CSMD3: variants seen among roughly 807,000 people sequenced by gnomAD.
The protein encoded by CSMD3 is CUB and sushi domain-containing protein 3.
A neutral mutation model predicts 435.2 loss-of-function variants in CSMD3; 177 were observed. The observed-to-expected ratio is 0.41, with a 90% confidence interval of 0.36 to 0.46. CSMD3 has a LOEUF of 0.46. Among genes scored for constraint, CSMD3 ranks in the 20% least tolerant of loss-of-function variants. The pLI is 0.34. For synonymous variants in CSMD3, 1,656 were observed against 1,520.5 expected (o/e 1.09, Z -2.07); for missense variants, 4,265 against 4,504.6 (o/e 0.95, Z 1.52).
At chr8:112,827,836 G>A (rs1405635006) in intron 12 of CSMD3, among the ~76,000 whole-genome samples, 1 of 152,182 alleles carries the variant, frequency 6.6e-6, no homozygotes, top group Non-Finnish European at 1.5e-5. Context: ...GGGCCACAAA[G>A]AGGCCCTCTC....
intron 3 of CSMD3, among the ~76,000 whole-genome samples, chr8:113,207,840 TAAAAG>T (rs2092788937): frequency 6.6e-6 from 1 of 152,042 alleles, no homozygotes; most frequent in South Asian, 2.1e-4. Context: ...TGGAAGTAAT[TAAAAG>T]ATAATATAAC....
intron 13 of CSMD3, among the ~76,000 whole-genome samples, chr8:112,746,489 G>T (rs1398670489): frequency 6.6e-6 from 1 of 152,066 alleles, no homozygotes; most frequent in African/African-American, 2.4e-5. Context: ...TGCTCTTCCA[G>T]CCTGTCTACA....
rs148150513 is a variant in CSMD3, at chr8:113,272,789, C to T, written c.514+5803G>A. Among the ~76,000 whole-genome samples the T allele has an allele frequency of 9.7e-3, 1,479 of 152,094 alleles. 9 individuals are homozygous for T. The highest frequency in any genetic ancestry group is 0.016 in the Admixed American group (248 of 15,268). ...CCACAAATCTGGAACTATTTTCATT[C>T]TACTTATATATTGTAAAACATATTG... On this transcript the variant is annotated intron_variant, in intron 3 of 70. Coordinates refer to ENST00000297405, the MANE Select transcript of CSMD3 (RefSeq NM_198123.2).
chr8:113,234,857 A>G (rs1208730005), intron 3 of CSMD3, among the ~76,000 whole-genome samples: 1 of 152,092 alleles, frequency 6.6e-6, no homozygotes, highest in African/African-American at 2.4e-5. Context: ...CTGTCAGCTT[A>G]AAGAAACTGG....
intron 17 of CSMD3, among the ~76,000 whole-genome samples, chr8:112,660,008 G>T (rs1455907429): frequency 6.6e-6 from 1 of 151,942 alleles, no homozygotes; most frequent in Non-Finnish European, 1.5e-5. Context: ...TACAAATTTT[G>T]TTTTCAACAA....
chr8:113,053,450 T>C (rs1326572861), intron 5 of CSMD3, among the ~76,000 whole-genome samples: 1 of 152,092 alleles, frequency 6.6e-6, no homozygotes, highest in Non-Finnish European at 1.5e-5. Flanking sequence ...CATATATAAA[T>C]AATTATATGT....
chr8:112,252,179 C>A (rs547706622), intron 63 of CSMD3, among the ~76,000 whole-genome samples: 2 of 151,760 alleles, frequency 1.3e-5, no homozygotes, highest in African/African-American at 4.8e-5. Context: ...TGTGATTTTG[C>A]GTCATAACTC....
chr8:113,138,810 A>AGTGTTT (rs2091478401), intron 4 of CSMD3, among the ~76,000 whole-genome samples: 1 of 145,630 alleles, frequency 6.9e-6, no homozygotes, highest in African/African-American at 2.5e-5. Context: ...TAAACGTGTT[A>AGTGTTT]GTGTGTGTGT....
intron 30 of CSMD3, among the ~76,000 whole-genome samples, chr8:112,494,609 C>A (rs796367731): frequency 2.7e-5 from 4 of 150,104 alleles, no homozygotes; most frequent in African/African-American, 9.8e-5. Context: ...TAAAGGCTCA[C>A]TACCCTGCTA....
Position 113,049,225 on chromosome 8 carries a change from C to T in CSMD3, c.918-30046G>A, listed in dbSNP as rs114398863. The stretch of plus-strand genomic sequence containing the variant: ...CTGCACTCCAGCCTAGGTGACAGAG[C>T]GAAAATCTGTCTCAAAAAGAGAGAG... On this transcript the variant is annotated intron_variant, in intron 5 of 70. Transcript: ENST00000297405. Among the ~76,000 whole-genome samples the T allele has an allele frequency of 5.3e-5, 8 of 152,114 alleles. No individual in the cohort carries two copies. In the East Asian group the frequency reaches 7.7e-4, roughly 15 times the overall value.
At chr8:113,064,639 G>T (rs184846357) in intron 5 of CSMD3, among the ~76,000 whole-genome samples, 1 of 152,282 alleles carries the variant, frequency 6.6e-6, no homozygotes, top group East Asian at 1.9e-4. Context: ...CCACCCAGTG[G>T]TGAGCTATAG....
chr8:112,966,965 T>G (rs2084441460), intron 7 of CSMD3, among the ~76,000 whole-genome samples: 1 of 151,932 alleles, frequency 6.6e-6, no homozygotes, highest in African/African-American at 2.4e-5. Context: ...GTGTTGGGAC[T>G]GTGTGATAAA....
chr8:113,224,846 A>C (rs1220339447), intron 3 of CSMD3, among the ~76,000 whole-genome samples: 1 of 150,982 alleles, frequency 6.6e-6, no homozygotes, highest in Admixed American at 6.6e-5. Context: ...TTGATTATTA[A>C]GTTCATCTAA....
At chr8:112,882,172 CTT>C (rs984841488) in intron 10 of CSMD3, among the ~76,000 whole-genome samples, 2 of 151,866 alleles carry the variant, frequency 1.3e-5, no homozygotes, top group Non-Finnish European at 2.9e-5. Flanking sequence ...ACCCCAGAGT[CTT>C]TATGTCAAAA....
chr8:113,088,250 A>C (rs1015361400), intron 5 of CSMD3, among the ~76,000 whole-genome samples: 4 of 150,990 alleles, frequency 2.6e-5, no homozygotes, highest in Non-Finnish European at 4.4e-5. Context: ...GAACACTTTT[A>C]CACTGTTGGT....
At chr8:112,414,559 C>T (rs558485222) in intron 32 of CSMD3, among the ~76,000 whole-genome samples, 1 of 152,098 alleles carries the variant, frequency 6.6e-6, no homozygotes, top group Non-Finnish European at 1.5e-5. Flanking sequence ...AGTGTGAGAA[C>T]AGGCTAATAC....
chr8:112,550,816 G>T lies in CSMD3; in HGVS notation c.4419C>A (p.Asp1473Glu). The T allele has an allele frequency of 6.2e-7, 1 of 1,611,402 alleles. No individual in the cohort carries two copies. The highest frequency in any genetic ancestry group is 8.5e-7 in the Non-Finnish European group (1 of 1,177,986). Residue 1473 changes from aspartate (D) to glutamate (E), a missense_variant, in exon 27 of 71, where the codon GAC (aspartate) becomes GAA (glutamate). Physicochemically the swap from Asp to Glu is conservative, Grantham distance 45. Transcript: ENST00000297405. ...EASHDILRVW[D>E]GPPENDMLLK... ...AAAGCATATCATTTTCTGGTGGACC[G>T]TCCCAGACTCGGAGTATATCATGTG...
Position 112,295,846 on chromosome 8 carries a change from G to C in CSMD3, c.8601C>G (p.Leu2867=), listed in dbSNP as rs773603250. ...CQQDHNWSGQ[L]PSCVPVSCGH... is the part of the protein sequence containing the mutation. ...ATGCTTACTTACGCACACAGGATGGGAGCTGACCAGACCAATTGTGATCCT... is the reference window on the plus strand; with the variant it reads ...ATGCTTACTTACGCACACAGGATGGCAGCTGACCAGACCAATTGTGATCCT... Residue 2867 remains leucine, a synonymous_variant, in exon 54 of 71, where the codon CTC becomes CTG. Coordinates refer to ENST00000297405, the MANE Select transcript of CSMD3 (RefSeq NM_198123.2). The C allele has an allele frequency of 5.5e-5, 89 of 1,613,870 alleles. No individual in the cohort carries two copies. The East Asian group carries it at 1.9e-3, about 35-fold the overall frequency.
Position 112,788,252 on chromosome 8 carries a change from A to C in CSMD3, c.1972+11910T>G, listed in dbSNP as rs890281207. On this transcript the variant is annotated intron_variant, in intron 13 of 70. Coordinates refer to ENST00000297405, the MANE Select transcript of CSMD3 (RefSeq NM_198123.2). Reference sequence around the variant, plus strand: ...GTGTTCTTTTGCCTGCATTGGAGAAATGGACATCTTTTGTCATCATAGCTA... The same window carrying C: ...GTGTTCTTTTGCCTGCATTGGAGAACTGGACATCTTTTGTCATCATAGCTA... Among the ~76,000 whole-genome samples, 7 of 152,264 alleles carry C rather than the reference A, an allele frequency of 4.6e-5. No individual in the cohort carries two copies. The East Asian group carries it at 1.2e-3, about 25-fold the overall frequency.
Sources: allele counts gnomAD v4.1 joint callset (sites outside exome capture counted in the v4.1 genomes callset), GRCh38; gene constraint gnomAD v4.1.1; transcripts MANE v1.5; gene names NCBI Gene and HGNC (gene_info 2026-07-23, HGNC 2026-07-21).